The following PAN3 variants were observed in gnomAD, a reference collection of about 807,000 sequenced individuals.
PAN3 encodes the protein PAN2-PAN3 deadenylation complex subunit PAN3.
A neutral mutation model predicts 96.2 loss-of-function variants in PAN3; 19 were observed. The ratio of observed to expected loss-of-function variants is 0.20; its 90% CI spans 0.14 to 0.29. The LOEUF is 0.29. PAN3 is among the 10% of genes least tolerant of loss of function. The pLI, the probability that PAN3 is intolerant of heterozygous loss-of-function variation, is 1.00. For missense variants in PAN3, 882 were observed against 1,108.1 expected, an observed-to-expected ratio of 0.80 and a Z score of 2.90; for synonymous variants, 433 against 406.6, an observed-to-expected ratio of 1.06 and a Z score of -0.78.
intron 9 of PAN3, among the ~76,000 whole-genome samples, chr13:28,264,961 T>C (rs1419809324): frequency 6.6e-6 from 1 of 152,220 alleles, no homozygotes; most frequent in Non-Finnish European, 1.5e-5. Context: ...TAAATTTGTG[T>C]TCTTTATTTT....
chr13:28,218,723 T>C (rs1881072508), intron 5 of PAN3, among the ~76,000 whole-genome samples: 1 of 152,206 alleles, frequency 6.6e-6, no homozygotes, highest in South Asian at 2.1e-4. Context: ...TTTTTGAAAT[T>C]AGTCTGTTAT....
chr13:28,170,619 T>C (rs1874178054), intron 1 of PAN3, among the ~76,000 whole-genome samples: 1 of 152,180 alleles, frequency 6.6e-6, no homozygotes, highest in Admixed American at 6.5e-5. Context: ...AGAATTGTAC[T>C]CTATTTTGGA....
At chr13:28,160,613 T>A (rs1872770409) in intron 1 of PAN3, among the ~76,000 whole-genome samples, 1 of 152,218 alleles carries the variant, frequency 6.6e-6, no homozygotes, top group African/African-American at 2.4e-5. Flanking sequence ...ACTCTGACAC[T>A]CACTAAAATG....
At chr13:28,184,309 A>G (rs1039377842) in intron 4 of PAN3, among the ~76,000 whole-genome samples, 1 of 152,064 alleles carries the variant, frequency 6.6e-6, no homozygotes, top group African/African-American at 2.4e-5. Flanking sequence ...TTATCATATC[A>G]TTTAGTTACA....
At chr13:28,290,594 T>A (rs1051692315) in intron 18 of PAN3, among the ~76,000 whole-genome samples, 6 of 152,008 alleles carry the variant, frequency 3.9e-5, no homozygotes. Flanking sequence ...GGCAGGAGAA[T>A]CATTTGAACC....
At chr13:28,248,320 G>A (rs1256101519) in intron 6 of PAN3, among the ~76,000 whole-genome samples, 1 of 152,046 alleles carries the variant, frequency 6.6e-6, no homozygotes, top group Non-Finnish European at 1.5e-5. Context: ...GTTTTTGGGT[G>A]GAGTCTTTTG....
At chr13:28,142,325 G>A (rs76802796) in intron 1 of PAN3, among the ~76,000 whole-genome samples, 2,865 of 152,164 alleles carry the variant, frequency 0.019, 99 homozygotes, top group African/African-American at 0.065. Flanking sequence ...TTTTGAGACA[G>A]TATTGATCCG....
chr13:28,215,478 G>A (rs1880630591), intron 5 of PAN3: 2 of 687,808 alleles, frequency 2.9e-6, no homozygotes, highest in Non-Finnish European at 5.4e-6. Flanking sequence ...TTCGTTGGGG[G>A]AGTGTTGCTG....
intron 1 of PAN3, among the ~76,000 whole-genome samples, chr13:28,162,967 A>G (rs879093043): frequency 3.9e-5 from 6 of 152,204 alleles, no homozygotes; most frequent in Admixed American, 3.9e-4. Flanking sequence ...AGTTACAGAT[A>G]ATTTAAGGCC....
chr13:28,290,485 C>T (rs148841896), intron 18 of PAN3, among the ~76,000 whole-genome samples: 2,916 of 152,174 alleles, frequency 0.019, 101 homozygotes, highest in African/African-American at 0.067. Context: ...AGTTTGAGAC[C>T]AGCCTGGCCA....
intron 1 of PAN3, among the ~76,000 whole-genome samples, chr13:28,141,013 T>TA: frequency 1.3e-5 from 2 of 148,604 alleles, no homozygotes; most frequent in East Asian, 2.0e-4. Flanking sequence ...CTTTTTTTTT[T>TA]TTTTTTTTTG....
intron 9 of PAN3, among the ~76,000 whole-genome samples, chr13:28,262,522 T>TA (rs1396463887): frequency 2.0e-5 from 3 of 152,308 alleles, no homozygotes; most frequent in East Asian, 1.9e-4. Flanking sequence ...GGAAGGAACT[T>TA]ACTTGTCATA....
intron 1 of PAN3, among the ~76,000 whole-genome samples, chr13:28,153,372 A>G (rs1343657213): frequency 6.7e-6 from 1 of 150,174 alleles, no homozygotes; most frequent in Non-Finnish European, 1.5e-5. Context: ...AGTAGCTGGG[A>G]TTATAGGCAC....
rs1869140397 is a variant in PAN3 at position 28,138,730 on chromosome 13, G to T, written c.73G>T (p.Val25Leu). The change falls in exon 1 of 19, where the codon GTG becomes TTG. Residue 25 changes from valine to leucine, a missense_variant. Transcript: ENST00000380958. ...SPSSSSLAAA[V>L]AVVAPPGVGG... ...TTCCTCCTCCTCGCTGGCGGCGGCG[G>T]TGGCGGTGGTGGCCCCGCCGGGGGT... is the stretch of plus-strand genomic sequence containing the variant. 7.8e-7 allele frequency: 1 copy of T among 1,289,328 alleles called. No individual in the cohort carries two copies. The highest frequency in any genetic ancestry group is 1.6e-5 in the African/African-American group (1 of 63,928). The allele number at this position is 1,289,328 out of a possible 1,614,324, so 79.9% of individuals were successfully genotyped here. A position where few individuals can be genotyped will look rare whatever the true frequency, so the allele number is the denominator to read the frequency against.
At chr13:28,274,512 G>T (rs1593616609) in intron 14 of PAN3, among the ~76,000 whole-genome samples, 1 of 149,330 alleles carries the variant, frequency 6.7e-6, no homozygotes, top group Non-Finnish European at 1.5e-5. Context: ...AAAAAAAACT[G>T]CACACGCTCC....
At position 28,138,940 on chromosome 13, in the gene PAN3, G is replaced by C. The variant is rs767563875; in HGVS notation, c.283G>C (p.Val95Leu). 7.5e-7 allele frequency: 1 copy of C among 1,333,676 alleles called. No individual in the cohort carries two copies. The highest frequency in any genetic ancestry group is 1.5e-5 in the African/African-American group (1 of 65,844). 82.6% of individuals were successfully genotyped at this position (1,333,676 alleles called of 1,614,324 possible). Residue 95 changes from valine (V) to leucine (L), a missense_variant, in exon 1 of 19, where the codon GTG becomes CTG. This residue lies in a region of PAN3 where 442 missense variants were observed against 422.8 expected (regional missense o/e 1.05). Coordinates refer to ENST00000380958, the MANE Select transcript of PAN3 (RefSeq NM_175854.8). ...CCCCCTGGCTCTGGCTGGTGCACCC[G>C]TGGCCGGCTTTCCGCCGGGAGCCGT... ...SVPLALAGAP[V>L]AGFPPGAVAG... is the part of the protein sequence containing the mutation.
At chr13:28,261,142 G>T (rs1004628000) in intron 8 of PAN3, among the ~76,000 whole-genome samples, 1 of 152,108 alleles carries the variant, frequency 6.6e-6, no homozygotes, top group Non-Finnish European at 1.5e-5. Context: ...CGTTAGTCAC[G>T]TGTTTTGGGT....
chr13:28,281,080 T>C (rs1887435640), intron 16 of PAN3, among the ~76,000 whole-genome samples: 1 of 152,230 alleles, frequency 6.6e-6, no homozygotes, highest in Non-Finnish European at 1.5e-5. Context: ...AATCTTGGTT[T>C]TTCATGTGAG....
chr13:28,211,616 A>T (rs1041018093), intron 5 of PAN3, among the ~76,000 whole-genome samples: 11 of 152,222 alleles, frequency 7.2e-5, no homozygotes, highest in Non-Finnish European at 1.3e-4. Context: ...CTAACCAAAA[A>T]GAGTTGGCTA....
Sources: allele counts gnomAD v4.1 joint callset (sites outside exome capture counted in the v4.1 genomes callset), GRCh38; gene constraint gnomAD v4.1.1; regional missense constraint gnomAD v4.1.1; transcripts MANE v1.5; gene names NCBI Gene and HGNC (gene_info 2026-07-23, HGNC 2026-07-21).